Variants in NUDT9 observed in about 807,000 individuals in gnomAD.
NUDT9 encodes the protein nudix hydrolase 9, also known as ADP-ribose pyrophosphatase.
Under a neutral mutation model 41.0 loss-of-function variants are expected in NUDT9, and 31 were observed. The ratio of observed to expected loss-of-function variants is 0.76; its 90% CI spans 0.57 to 1.02. NUDT9 has a LOEUF of 1.02. NUDT9 is among the 50% of genes least tolerant of loss of function. NUDT9 has a pLI of 0.00. For missense variants in NUDT9, 380 were observed against 431.4 expected (o/e 0.88, Z 1.06); for synonymous variants, 146 against 147.6 (o/e 0.99, Z 0.08).
intron 1 of NUDT9, among the ~76,000 whole-genome samples, chr4:87,432,906 A>C (rs1721749003): frequency 1.3e-5 from 2 of 151,670 alleles, no homozygotes; most frequent in African/African-American, 4.8e-5. Context: ...TCTGTTTGTT[A>C]TTATTTTGTT....
intron 3 of NUDT9, 76 bp downstream of exon 3, chr4:87,438,448 C>T: frequency 2.5e-6 from 2 of 790,538 alleles, no homozygotes; most frequent in Non-Finnish European, 4.4e-6. Flanking sequence ...TTTATCAAAT[C>T]CTTGTATGTG....
intron 1 of NUDT9, among the ~76,000 whole-genome samples, chr4:87,424,928 A>C (rs1476374152): frequency 6.6e-6 from 1 of 152,206 alleles, no homozygotes; most frequent in East Asian, 1.9e-4. Context: ...CAGTTAACAA[A>C]TGTGCCAAGT....
rs537062064 is a variant in NUDT9 at position 87,425,767 on chromosome 4, A to G, written c.107+2755A>G. The stretch of plus-strand genomic sequence containing the variant: ...AGTCTTTGATAATTTGGAAAAACCC[A>G]GAAAGTGACAGTTTTGCACTTAGTT... On this transcript the variant is annotated intron_variant, in intron 1 of 7. Coordinates refer to ENST00000302174, the MANE Select transcript of NUDT9 (RefSeq NM_024047.5). Among the ~76,000 whole-genome samples, 3 of 151,584 alleles carry G rather than the reference A, an allele frequency of 2.0e-5. No homozygotes were observed. In the South Asian group the frequency reaches 6.3e-4, roughly 32 times the overall value.
chr4:87,442,262 G>T (rs1030953243), intron 4 of NUDT9, among the ~76,000 whole-genome samples: 5 of 152,142 alleles, frequency 3.3e-5, no homozygotes, highest in Non-Finnish European at 7.4e-5. Flanking sequence ...AATACTATAG[G>T]CAACTGTAAC....
chr4:87,423,761 T>A (rs890741622), intron 1 of NUDT9, among the ~76,000 whole-genome samples: 3 of 152,208 alleles, frequency 2.0e-5, no homozygotes, highest in Admixed American at 2.0e-4. Flanking sequence ...CTGTCTATAT[T>A]TTGATTAATA....
rs376972365 is a variant in NUDT9 at position 87,442,613 on chromosome 4, AAC to A, written c.530+702_530+703del. On this transcript the variant is annotated intron_variant, in intron 4 of 7. Coordinates refer to ENST00000302174, the MANE Select transcript of NUDT9 (RefSeq NM_024047.5). ...TGGCTTTTTTATAGTAACAGCTTAAAACACATCATGCAACTGTACAAAAATAG... is the reference window on the plus strand; with the variant it reads ...TGGCTTTTTTATAGTAACAGCTTAAAACATCATGCAACTGTACAAAAATAG... Among the ~76,000 whole-genome samples, 30 of 152,352 alleles carry A rather than the reference AAC, an allele frequency of 2.0e-4. No homozygotes were observed. The East Asian group carries it at 5.4e-3, about 27-fold the overall frequency.
intron 7 of NUDT9, among the ~76,000 whole-genome samples, chr4:87,456,936 T>TA (rs1553966080): frequency 6.6e-6 from 1 of 152,082 alleles, no homozygotes; most frequent in East Asian, 1.9e-4. Flanking sequence ...CATCTAAAAA[T>TA]AAATAAAATA....
At position 87,458,354 on chromosome 4, in the gene NUDT9, T is replaced by A; in HGVS notation, c.*333T>A. On this transcript the variant is annotated 3_prime_UTR_variant, in exon 8 of 8. Transcript: ENST00000302174. Reference sequence around the variant, plus strand: ...AATTCTTGATCAGCTATAACTTCTGTTTCATCTAGTTCTTGTTTGTCAATG... The same window carrying A: ...AATTCTTGATCAGCTATAACTTCTGATTCATCTAGTTCTTGTTTGTCAATG... 5.8e-6 allele frequency: 1 copy of A among 172,332 alleles called. No homozygotes were observed. Among genetic ancestry groups the A allele is most frequent in the East Asian group, 1.5e-4 (1 of 6,516 alleles). 10.7% of individuals were successfully genotyped at this position (172,332 alleles called of 1,614,324 possible).
At chr4:87,436,763 G>A (rs1345591982) in intron 2 of NUDT9, among the ~76,000 whole-genome samples, 2 of 152,168 alleles carry the variant, frequency 1.3e-5, no homozygotes, top group African/African-American at 4.8e-5. Context: ...ATTGAAATTG[G>A]AAATTATTCC....
intron 1 of NUDT9, among the ~76,000 whole-genome samples, chr4:87,424,253 C>CTT (rs1560784799): frequency 2.2e-4 from 23 of 103,920 alleles, no homozygotes; most frequent in African/African-American, 8.6e-4. Context: ...CTCCCTAATG[C>CTT]GTTTTTTTTT....
chr4:87,455,195 T>G (rs1228077746), intron 7 of NUDT9, among the ~76,000 whole-genome samples: 1 of 152,226 alleles, frequency 6.6e-6, no homozygotes, highest in African/African-American at 2.4e-5. Flanking sequence ...TTTGTCCTCT[T>G]GGACTCAGTT....
chr4:87,449,858 T>C (rs1259183220), intron 5 of NUDT9, among the ~76,000 whole-genome samples: 2 of 152,096 alleles, frequency 1.3e-5, no homozygotes, highest in Non-Finnish European at 2.9e-5. Context: ...TTATTTTTTA[T>C]TTTTTATTTA....
chr4:87,438,153 ACTAACCCTT>A, intron 2 of NUDT9, 115 bp from the exon 3 acceptor site: 3 of 486,148 alleles, frequency 6.2e-6, no homozygotes, highest in Non-Finnish European at 1.1e-5. Context: ...AAAAAAAAAA[ACTAACCCTT>A]AAAAATTTAT....
intron 3 of NUDT9, among the ~76,000 whole-genome samples, chr4:87,440,019 C>G (rs1722135105): frequency 6.6e-6 from 1 of 152,134 alleles, no homozygotes; most frequent in Non-Finnish European, 1.5e-5. Context: ...TAAGTTCTTT[C>G]TTTGGTCATA....
chr4:87,454,189 A>G (rs1722886891), intron 6 of NUDT9, among the ~76,000 whole-genome samples, 182 bp from the exon 7 acceptor site: 1 of 152,072 alleles, frequency 6.6e-6, no homozygotes, highest in Non-Finnish European at 1.5e-5. Context: ...AAAAATTTTG[A>G]TAGAAACACA....
At chr4:87,450,288 A>G (rs889270058) in intron 5 of NUDT9, among the ~76,000 whole-genome samples, 6 of 152,102 alleles carry the variant, frequency 3.9e-5, no homozygotes, top group African/African-American at 1.4e-4. Context: ...TGTCTGCAAG[A>G]ATGTTTTTTT....
chr4:87,443,436 C>T (rs1049391204), intron 4 of NUDT9, among the ~76,000 whole-genome samples: 3 of 152,130 alleles, frequency 2.0e-5, no homozygotes, highest in African/African-American at 7.2e-5. Flanking sequence ...ATTTATTGAA[C>T]ATCTATTTGT....
chr4:87,435,096 G>T lies in NUDT9; in HGVS notation c.223G>T (p.Val75Phe). ...ARTSPYPGSKVERSQVPNEKV... is the reference protein window; with the variant it reads ...ARTSPYPGSKFERSQVPNEKV... ...GACGTCTCCTTACCCAGGTTCAAAA[G>T]TTGAACGAAGCCAGGTTCCTAATGA... Residue 75 changes from valine to phenylalanine, a missense_variant, in exon 2 of 8, where the codon GTT becomes TTT. Transcript: ENST00000302174. 6.2e-7 allele frequency: 1 copy of T among 1,614,192 alleles called. No individual in the cohort carries two copies. The highest frequency in any genetic ancestry group is 8.5e-7 in the Non-Finnish European group (1 of 1,180,034).
chr4:87,424,254 GTTTTTTT>G (rs147874067), intron 1 of NUDT9, among the ~76,000 whole-genome samples: 1 of 99,180 alleles, frequency 1.0e-5, no homozygotes. Flanking sequence ...TCCCTAATGC[GTTTTTTT>G]TTTTTTTTTT....
Sources: gnomAD v4.1 joint callset for allele counts (sites outside exome capture counted in the v4.1 genomes callset) on GRCh38, gnomAD v4.1.1 for gene constraint, MANE v1.5 for transcripts, NCBI Gene and HGNC (gene_info 2026-07-23, HGNC 2026-07-21) for gene names.